Variants in EPHA5 observed in about 807,000 individuals in gnomAD.
EPHA5 encodes ephrin type-A receptor 5.
In EPHA5, 60 loss-of-function variants were observed where a neutral mutation model predicts 105.0. The observed-to-expected ratio is 0.57, with a 90% CI of 0.46 to 0.71. The LOEUF is 0.71. Ranked by LOEUF, EPHA5 falls within the 30% of genes least tolerant of loss-of-function variation. The probability of loss-of-function intolerance (pLI) is 0.00; values close to 1 mark genes in which losing one functional copy is unlikely to be tolerated. For missense variants in EPHA5, 1,218 were observed against 1,274.7 expected (o/e 0.96, Z 0.68); for synonymous variants, 513 against 449.1 (o/e 1.14, Z -1.80).
chr4:65,623,729 C>T (rs1244469287), intron 2 of EPHA5, among the ~76,000 whole-genome samples: 3 of 152,188 alleles, frequency 2.0e-5, no homozygotes, highest in East Asian at 3.9e-4. Flanking sequence ...ATTTTTGCCT[C>T]ATGACATAAT....
chr4:65,598,825 T>G (rs776277875), intron 3 of EPHA5, among the ~76,000 whole-genome samples: 3 of 152,006 alleles, frequency 2.0e-5, no homozygotes, highest in Non-Finnish European at 4.4e-5. Flanking sequence ...AAAAGTTAGC[T>G]TGGCTAGTGC....
At chr4:65,664,080 A>C (rs1351443289) in intron 1 of EPHA5, among the ~76,000 whole-genome samples, 2 of 151,970 alleles carry the variant, frequency 1.3e-5, no homozygotes, top group Non-Finnish European at 2.9e-5. Context: ...TCATGAACTG[A>C]ATACAAACAA....
intron 2 of EPHA5, among the ~76,000 whole-genome samples, chr4:65,620,433 T>C (rs922276975): frequency 1.3e-5 from 2 of 152,186 alleles, no homozygotes; most frequent in South Asian, 2.1e-4. Context: ...TGTGATGACA[T>C]AGTACACTCA....
At chr4:65,663,846 A>C (rs1032912316) in intron 1 of EPHA5, among the ~76,000 whole-genome samples, 7 of 152,020 alleles carry the variant, frequency 4.6e-5, no homozygotes, top group Admixed American at 4.6e-4. Context: ...CTTAATATTC[A>C]AAAATAACTG....
At chr4:65,489,162 G>T (rs1434304230) in intron 5 of EPHA5, among the ~76,000 whole-genome samples, 1 of 151,990 alleles carries the variant, frequency 6.6e-6, no homozygotes, top group Non-Finnish European at 1.5e-5. Context: ...CTCCCAAAGT[G>T]CTGGGATTAC....
chr4:65,439,111 T>C (rs1210922465), intron 5 of EPHA5, among the ~76,000 whole-genome samples: 1 of 152,090 alleles, frequency 6.6e-6, no homozygotes, highest in Non-Finnish European at 1.5e-5. Context: ...AAACTACAAC[T>C]AGCAGTGCAG....
intron 1 of EPHA5, among the ~76,000 whole-genome samples, chr4:65,645,662 T>C (rs1235988614): frequency 6.6e-6 from 1 of 152,016 alleles, no homozygotes; most frequent in African/African-American, 2.4e-5. Flanking sequence ...CAAAACGAAT[T>C]ACCTCAAAAA....
intron 5 of EPHA5, among the ~76,000 whole-genome samples, chr4:65,444,301 G>GAT (rs1402283686): frequency 6.6e-6 from 1 of 152,038 alleles, no homozygotes; most frequent in East Asian, 1.9e-4. Flanking sequence ...TTAAGGATAT[G>GAT]ATATATATAC....
chr4:65,566,767 C>T (rs542967430), intron 3 of EPHA5, among the ~76,000 whole-genome samples: 1 of 151,798 alleles, frequency 6.6e-6, no homozygotes, highest in South Asian at 2.1e-4. Flanking sequence ...TGACAGCATG[C>T]TAATTATTAC....
chr4:65,445,496 C>T (rs576753750), intron 5 of EPHA5, among the ~76,000 whole-genome samples: 3 of 152,114 alleles, frequency 2.0e-5, no homozygotes, highest in South Asian at 2.1e-4. Flanking sequence ...CATATAGTTT[C>T]GTAGTAATGA....
At chr4:65,523,822 G>A (rs1440473918) in intron 3 of EPHA5, among the ~76,000 whole-genome samples, 2 of 151,842 alleles carry the variant, frequency 1.3e-5, no homozygotes, top group African/African-American at 2.4e-5. Context: ...CTAAAGGCAC[G>A]GTTTCAGGTT....
At chr4:65,559,331 T>C (rs908003088) in intron 3 of EPHA5, among the ~76,000 whole-genome samples, 3 of 152,098 alleles carry the variant, frequency 2.0e-5, no homozygotes, top group Non-Finnish European at 4.4e-5. Flanking sequence ...TGACGATCAT[T>C]TCAAAGTAAA....
intron 16 of EPHA5, among the ~76,000 whole-genome samples, chr4:65,326,935 C>G (rs1345700731): frequency 6.6e-6 from 1 of 151,174 alleles, no homozygotes; most frequent in Non-Finnish European, 1.5e-5. Context: ...TATACAATCA[C>G]AAAACTTAAA....
chr4:65,574,011 G>T (rs376861285), intron 3 of EPHA5: 25 of 1,599,326 alleles, frequency 1.6e-5, no homozygotes, highest in Non-Finnish European at 2.1e-5. Flanking sequence ...CCTCAATCGA[G>T]TTCCTCTATG....
chr4:65,630,928 A>G (rs1007422164), intron 2 of EPHA5, among the ~76,000 whole-genome samples: 2 of 152,160 alleles, frequency 1.3e-5, no homozygotes, highest in Non-Finnish European at 2.9e-5. Context: ...CTGTAAGGAT[A>G]ATATTTTATC....
intron 6 of EPHA5, among the ~76,000 whole-genome samples, chr4:65,417,168 C>T (rs531204436): frequency 2.6e-4 from 39 of 152,342 alleles, no homozygotes; most frequent in African/African-American, 8.9e-4. Context: ...CATCATCACA[C>T]GGTAGCAGAG....
chr4:65,320,333 A>T lies in EPHA5; in HGVS notation c.*3781T>A. On this transcript the variant is annotated 3_prime_UTR_variant, in exon 17 of 17. Coordinates refer to ENST00000613740, the MANE Select transcript of EPHA5 (RefSeq NM_001281766.3). Reference sequence around the variant, plus strand: ...TTGATTCCATTTATTCTTCATCATCATCATCATCATCATCATCAGGATCAT... The same window carrying T: ...TTGATTCCATTTATTCTTCATCATCTTCATCATCATCATCATCAGGATCAT... 1 of 229,902 alleles carries T rather than the reference A, an allele frequency of 4.3e-6. No individual in the cohort carries two copies. Among genetic ancestry groups the T allele is most frequent in the Non-Finnish European group, 8.6e-6 (1 of 116,026 alleles). 14.2% of individuals were successfully genotyped at this position (229,902 alleles called of 1,614,324 possible).
At position 65,602,137 on chromosome 4, in the gene EPHA5, G is replaced by A. The variant is rs1263912908; in HGVS notation, c.414C>T (p.Asn138=). The change falls in exon 3 of 17, where the codon AAC becomes AAT. Residue 138 remains asparagine, a synonymous_variant. Coordinates refer to ENST00000613740, the MANE Select transcript of EPHA5 (RefSeq NM_001281766.3). ...AGGTCCCCAGTCCTCCAGGAAGGCTGTTGCAGTCCCGCAGGGTAAATTTGA... is the reference window on the plus strand; with the variant it reads ...AGGTCCCCAGTCCTCCAGGAAGGCTATTGCAGTCCCGCAGGGTAAATTTGA... The part of the protein sequence containing the change: ...IELKFTLRDC[N]SLPGGLGTCK... 6.2e-7 allele frequency: 1 copy of A among 1,613,988 alleles called. No individual in the cohort carries two copies. The highest frequency in any genetic ancestry group is 1.3e-5 in the African/African-American group (1 of 74,910).
intron 1 of EPHA5, among the ~76,000 whole-genome samples, chr4:65,645,448 T>C (rs769620366): frequency 6.6e-6 from 1 of 152,108 alleles, no homozygotes; most frequent in Non-Finnish European, 1.5e-5. Flanking sequence ...CTGATGTGCA[T>C]AGGAATTCCA....
Sources: allele counts gnomAD v4.1 joint callset (sites outside exome capture counted in the v4.1 genomes callset), GRCh38; gene constraint gnomAD v4.1.1; transcripts MANE v1.5; gene names NCBI Gene and HGNC (gene_info 2026-07-23, HGNC 2026-07-21).